PTPRD: variants seen among roughly 807,000 people sequenced by gnomAD.
PTPRD encodes protein tyrosine phosphatase receptor type D.
Under a neutral mutation model 214.5 loss-of-function variants are expected in PTPRD, and 34 were observed. That is an observed-to-expected ratio of 0.16 (90% CI 0.12 to 0.21). The LOEUF (loss-of-function observed/expected upper bound fraction) is 0.21, where lower values mean the gene tolerates loss of function less well. PTPRD is among the 10% of genes least tolerant of loss of function. The pLI is 1.00. For missense variants in PTPRD, 2,545 were observed against 2,398.7 expected, an observed-to-expected ratio of 1.06 and a Z score of -1.27; for synonymous variants, 1,128 against 845.7, an observed-to-expected ratio of 1.33 and a Z score of -5.79.
At chr9:10,503,200 A>AAAAAAC (rs1555437147) in intron 2 of PTPRD, among the ~76,000 whole-genome samples, 1 of 122,138 alleles carries the variant, frequency 8.2e-6, no homozygotes, top group East Asian at 2.1e-4. Context: ...ATACAAAAAA[A>AAAAAAC]AAAAAAACAA....
rs534828051 is a variant in PTPRD at position 10,459,714 on chromosome 9, T to C, written c.-599-118697A>G. Among the ~76,000 whole-genome samples, 14 of 152,186 alleles carry C rather than the reference T, an allele frequency of 9.2e-5. No individual in the cohort carries two copies. In the East Asian group the frequency reaches 2.7e-3, roughly 29 times the overall value. ...TGCCTAAATGTCTTCTTTTGAGAAG[T>C]GTCTGTTCACACCCTTTGCCCACTT... On this transcript the variant is annotated intron_variant, in intron 2 of 45. Coordinates refer to ENST00000381196, the MANE Select transcript of PTPRD (RefSeq NM_002839.4).
chr9:9,258,056 C>A (rs537152547), intron 9 of PTPRD, among the ~76,000 whole-genome samples: 1 of 150,736 alleles, frequency 6.6e-6, no homozygotes, highest in Admixed American at 6.6e-5. Context: ...AAGAGTAAGG[C>A]AGAATATGAA....
At chr9:10,573,241 G>GT (rs1042765039) in intron 2 of PTPRD, among the ~76,000 whole-genome samples, 2 of 152,150 alleles carry the variant, frequency 1.3e-5, no homozygotes, top group East Asian at 1.9e-4. Context: ...ACATTTTGAT[G>GT]TTTTTTTACT....
At chr9:9,871,959 C>T (rs1302376846) in intron 5 of PTPRD, among the ~76,000 whole-genome samples, 1 of 152,092 alleles carries the variant, frequency 6.6e-6, no homozygotes, top group Non-Finnish European at 1.5e-5. Context: ...AACAACTAAA[C>T]ACTCTACATG....
intron 11 of PTPRD, among the ~76,000 whole-genome samples, chr9:8,959,704 AT>A (rs1460030199): frequency 2.6e-5 from 4 of 152,052 alleles, no homozygotes; most frequent in Non-Finnish European, 5.9e-5. Context: ...CATTGAGTAT[AT>A]CCTTTGGAAA....
intron 11 of PTPRD, among the ~76,000 whole-genome samples, chr9:8,763,730 T>C (rs553804875): frequency 8.0e-5 from 12 of 150,682 alleles, no homozygotes; most frequent in African/African-American, 2.9e-4. Context: ...TTGAGAAAAG[T>C]TTTTCGTTTT....
At chr9:8,369,180 AGAAT>A (rs991426133) in intron 39 of PTPRD, among the ~76,000 whole-genome samples, 12 of 152,182 alleles carry the variant, frequency 7.9e-5, no homozygotes, top group African/African-American at 2.7e-4. Context: ...AATGGAATTT[AGAAT>A]GAATGGTTAA....
intron 5 of PTPRD, among the ~76,000 whole-genome samples, chr9:9,931,292 T>G (rs996348993): frequency 3.3e-5 from 5 of 152,116 alleles, no homozygotes; most frequent in Non-Finnish European, 7.4e-5. Flanking sequence ...GACAGGTGAT[T>G]TCTGCATTTC....
intron 11 of PTPRD, among the ~76,000 whole-genome samples, chr9:8,869,732 G>GAAAAAA (rs201895275): frequency 7.4e-6 from 1 of 136,022 alleles, no homozygotes. Flanking sequence ...TTCTTAAAAG[G>GAAAAAA]AAAAAAAAAA....
chr9:10,053,325 CT>C (rs2097566816), intron 3 of PTPRD, among the ~76,000 whole-genome samples: 1 of 152,146 alleles, frequency 6.6e-6, no homozygotes, highest in Non-Finnish European at 1.5e-5. Context: ...CAATCATATT[CT>C]CTTTTGTTCT....
chr9:10,414,414 C>T (rs1404776981), intron 2 of PTPRD, among the ~76,000 whole-genome samples: 1 of 151,766 alleles, frequency 6.6e-6, no homozygotes, highest in African/African-American at 2.4e-5. Flanking sequence ...GTCAGAATTG[C>T]TATTATTAAA....
chr9:10,128,982 T>C (rs896190635), intron 3 of PTPRD, among the ~76,000 whole-genome samples: 1 of 152,132 alleles, frequency 6.6e-6, no homozygotes. Flanking sequence ...TAAATTAGAA[T>C]GTATATATTG....
intron 3 of PTPRD, among the ~76,000 whole-genome samples, chr9:10,201,582 G>A (rs912495037): frequency 1.3e-4 from 20 of 151,840 alleles, no homozygotes; most frequent in East Asian, 1.9e-4. Context: ...GCATATATAT[G>A]TGTGTGTGTG....
At chr9:9,991,420 G>A (rs1270733456) in intron 4 of PTPRD, among the ~76,000 whole-genome samples, 1 of 151,020 alleles carries the variant, frequency 6.6e-6, no homozygotes, top group East Asian at 2.0e-4. Context: ...GGAGTGCAAT[G>A]TTGTGATCTC....
Position 8,315,628 on chromosome 9 carries a change from A to AGTATT in PTPRD, c.*2241_*2245dup, listed in dbSNP as rs1821232777. On this transcript the variant is annotated 3_prime_UTR_variant, in exon 46 of 46. Coordinates refer to ENST00000381196, the MANE Select transcript of PTPRD (RefSeq NM_002839.4). ...GGTAGCCTTCTAGATACTTTTTTTTAGTATTATATATATTTTCTTTTTTTT... is the reference window on the plus strand; with the variant it reads ...GGTAGCCTTCTAGATACTTTTTTTTAGTATTGTATTATATATATTTTCTTTTTTTT... 2 of 227,884 alleles carry AGTATT rather than the reference A, an allele frequency of 8.8e-6. No homozygotes were observed. The highest frequency in any genetic ancestry group is 1.7e-5 in the Non-Finnish European group (2 of 114,568). 14.1% of individuals were successfully genotyped at this position (227,884 alleles called of 1,614,324 possible).
At position 9,450,120 on chromosome 9, in the gene PTPRD, C is replaced by CTGTG. The variant is rs368924483; in HGVS notation, c.-236-52642_-236-52639dup. ...GGTGTGTGTGTGTGTGTGTGTGTGT[C>CTGTG]TGTGTGTGTGTGTGTGTGTGTATTA... On this transcript the variant is annotated intron_variant, in intron 8 of 45. Transcript: ENST00000381196. Among the ~76,000 whole-genome samples the CTGTG allele has an allele frequency of 2.8e-5, 4 of 144,940 alleles. 1 individual carries two copies. The highest frequency in any genetic ancestry group is 1.4e-4 in the Admixed American group (2 of 14,632).
chr9:9,923,810 G>A (rs2083355735), intron 5 of PTPRD, among the ~76,000 whole-genome samples: 1 of 151,908 alleles, frequency 6.6e-6, no homozygotes, highest in Non-Finnish European at 1.5e-5. Context: ...ACTAGAAGTT[G>A]TACTTCTGCA....
At chr9:8,458,343 C>A (rs2096275275) in intron 33 of PTPRD, among the ~76,000 whole-genome samples, 1 of 152,048 alleles carries the variant, frequency 6.6e-6, no homozygotes, top group Non-Finnish European at 1.5e-5. Context: ...GACTGATTCA[C>A]AAATACCATA....
chr9:8,419,095 C>T (rs7043664), intron 35 of PTPRD, among the ~76,000 whole-genome samples: 86,363 of 151,522 alleles, frequency 0.57, 25,633 homozygotes, highest in East Asian at 0.72. Context: ...GTAATGCACA[C>T]CTGTAGTCCC....
Sources: gnomAD v4.1 joint callset for allele counts (sites outside exome capture counted in the v4.1 genomes callset) on GRCh38, gnomAD v4.1.1 for gene constraint, MANE v1.5 for transcripts, NCBI Gene and HGNC (gene_info 2026-07-23, HGNC 2026-07-21) for gene names.